PCDH15: variants seen among roughly 807,000 people sequenced by gnomAD.
PCDH15 encodes protocadherin related 15.
PCDH15 carries 129 observed loss-of-function variants against 178.5 expected under a neutral mutation model. The ratio of observed to expected loss-of-function variants is 0.72; its 90% CI spans 0.63 to 0.84. The LOEUF (loss-of-function observed/expected upper bound fraction) is 0.84, where lower values mean the gene tolerates loss of function less well. Among genes scored for constraint, PCDH15 ranks in the 40% least tolerant of loss-of-function variants. The probability of loss-of-function intolerance (pLI) is 0.00; values close to 1 mark genes in which losing one functional copy is unlikely to be tolerated. For synonymous variants in PCDH15, 800 were observed against 732.0 expected (o/e 1.09, Z -1.50); for missense variants, 2,230 against 2,099.9 (o/e 1.06, Z -1.21).
intron 1 of PCDH15, among the ~76,000 whole-genome samples, chr10:55,212,437 T>C (rs1012139567): frequency 2.6e-5 from 4 of 151,980 alleles, no homozygotes; most frequent in African/African-American, 9.7e-5. Context: ...TTAACCTCCC[T>C]CTTTGTGTGT....
chr10:55,296,740 A>G (rs1171115892), intron 1 of PCDH15, among the ~76,000 whole-genome samples: 4 of 152,254 alleles, frequency 2.6e-5, no homozygotes, highest in Non-Finnish European at 4.4e-5. Context: ...AAACTTAGAC[A>G]TAGTAAAATT....
intron 2 of PCDH15, among the ~76,000 whole-genome samples, chr10:55,108,354 G>A (rs1031996172): frequency 2.6e-5 from 4 of 152,142 alleles, no homozygotes; most frequent in Admixed American, 6.5e-5. Flanking sequence ...TTTAAATAGA[G>A]TTACGGGTTA....
At chr10:54,363,598 G>A (rs1946371329) in intron 5 of PCDH15, among the ~76,000 whole-genome samples, 1 of 152,096 alleles carries the variant, frequency 6.6e-6, no homozygotes, top group Admixed American at 6.6e-5. Flanking sequence ...ATATACACAT[G>A]CTCTAATTTA....
intron 2 of PCDH15, among the ~76,000 whole-genome samples, chr10:55,381,088 T>C (rs1837523314): frequency 6.6e-6 from 1 of 152,110 alleles, no homozygotes; most frequent in Non-Finnish European, 1.5e-5. Flanking sequence ...AGAAACAATT[T>C]TCCCCTGATG....
intron 21 of PCDH15, among the ~76,000 whole-genome samples, chr10:53,966,395 T>C (rs2660185): frequency 0.71 from 107,925 of 152,114 alleles, 38,647 homozygotes; most frequent in East Asian, 0.87. Context: ...TTTCCTAAAA[T>C]CTTCCTTCCC....
chr10:54,191,748 A>G (rs2049007200), intron 11 of PCDH15, among the ~76,000 whole-genome samples: 1 of 79,352 alleles, frequency 1.3e-5, no homozygotes, highest in Non-Finnish European at 2.2e-5. Flanking sequence ...TCTACAAAAA[A>G]TGCAAAAAAA....
intron 2 of PCDH15, among the ~76,000 whole-genome samples, chr10:55,056,448 A>C (rs1841305458): frequency 6.6e-6 from 1 of 151,810 alleles, no homozygotes; most frequent in Non-Finnish European, 1.5e-5. Context: ...TGCTTCTCAA[A>C]ATTTTCATTG....
chr10:55,571,667 T>A (rs1050160655), intron 2 of PCDH15, among the ~76,000 whole-genome samples: 3 of 152,102 alleles, frequency 2.0e-5, no homozygotes, highest in Non-Finnish European at 4.4e-5. Flanking sequence ...ATTTCAAGTA[T>A]TACATTGACT....
intron 28 of PCDH15, among the ~76,000 whole-genome samples, chr10:53,850,386 G>A (rs1027617275): frequency 6.6e-6 from 1 of 151,992 alleles, no homozygotes; most frequent in African/African-American, 2.4e-5. Flanking sequence ...AAAGAACTAT[G>A]ATTTCTTTAA....
intron 2 of PCDH15, among the ~76,000 whole-genome samples, chr10:55,346,973 G>T (rs1280119582): frequency 6.6e-6 from 1 of 152,030 alleles, no homozygotes; most frequent in Non-Finnish European, 1.5e-5. Context: ...CCAGCACTTT[G>T]GGGGGCTGAG....
chr10:54,705,264 C>T (rs2095353970), intron 1 of PCDH15, among the ~76,000 whole-genome samples: 1 of 151,914 alleles, frequency 6.6e-6, no homozygotes, highest in Non-Finnish European at 1.5e-5. Flanking sequence ...CCCATGACAC[C>T]TAATTTACTT....
intron 3 of PCDH15, among the ~76,000 whole-genome samples, chr10:54,841,389 C>A (rs1344139724): frequency 2.0e-5 from 3 of 151,664 alleles, no homozygotes; most frequent in African/African-American, 7.2e-5. Context: ...ATGTCCAAAC[C>A]TCTTGGACAC....
chr10:54,140,525 G>A (rs1210272208), intron 14 of PCDH15, among the ~76,000 whole-genome samples: 1 of 151,766 alleles, frequency 6.6e-6, no homozygotes, highest in Non-Finnish European at 1.5e-5. Flanking sequence ...ATGGAGTGCA[G>A]TGGAGTGATC....
intron 1 of PCDH15, among the ~76,000 whole-genome samples, chr10:55,215,157 CTAAG>C (rs1417628271): frequency 1.3e-5 from 2 of 152,056 alleles, no homozygotes; most frequent in African/African-American, 4.8e-5. Context: ...CTCTGAGCAT[CTAAG>C]TAAGACAAAT....
chr10:54,605,440 T>C (rs925415404), intron 2 of PCDH15, among the ~76,000 whole-genome samples: 1 of 152,046 alleles, frequency 6.6e-6, no homozygotes, highest in Non-Finnish European at 1.5e-5. Context: ...TTTGTTTGTT[T>C]CCGCATTTTA....
At chr10:54,923,380 T>G (rs1458593950) in intron 2 of PCDH15, among the ~76,000 whole-genome samples, 3 of 139,124 alleles carry the variant, frequency 2.2e-5, no homozygotes, top group Non-Finnish European at 5.0e-5. Flanking sequence ...TATTAACTTT[T>G]GGCTCCACTT....
At chr10:53,971,428 T>G (rs960898080) in intron 21 of PCDH15, among the ~76,000 whole-genome samples, 1 of 152,176 alleles carries the variant, frequency 6.6e-6, no homozygotes, top group African/African-American at 2.4e-5. Flanking sequence ...GTGTTGGAAT[T>G]TCTGGCTAGG....
At chr10:53,880,382 T>A (rs2080618279) in intron 26 of PCDH15, among the ~76,000 whole-genome samples, 1 of 152,194 alleles carries the variant, frequency 6.6e-6, no homozygotes, top group Admixed American at 6.5e-5. Context: ...AACTTGAACT[T>A]ACTGTAAAAT....
intron 3 of PCDH15, among the ~76,000 whole-genome samples, chr10:54,822,716 T>C (rs1953066714): frequency 6.6e-6 from 1 of 152,062 alleles, no homozygotes. Flanking sequence ...TCCATACTCC[T>C]TTCCATAGCA....
Sources: allele counts gnomAD v4.1 joint callset (sites outside exome capture counted in the v4.1 genomes callset), GRCh38; gene constraint gnomAD v4.1.1; transcripts MANE v1.5; gene names NCBI Gene and HGNC (gene_info 2026-07-23, HGNC 2026-07-21).